The following MMEL1 variants were observed in gnomAD, a reference collection of about 807,000 sequenced individuals.
MMEL1 encodes the protein membrane metallo-endopeptidase-like 1.
A neutral mutation model predicts 117.1 loss-of-function variants in MMEL1; 98 were observed. The observed-to-expected ratio is 0.84, with a 90% CI of 0.71 to 0.99. The LOEUF is 0.99. MMEL1 is among the 50% of genes least tolerant of loss of function. The pLI is 0.00. For synonymous variants in MMEL1, 390 were observed against 415.1 expected, an observed-to-expected ratio of 0.94 and a Z score of 0.74; for missense variants, 1,014 against 1,049.1, an observed-to-expected ratio of 0.97 and a Z score of 0.46.
At chr1:2,603,140 CAG>C (rs1304547528) in intron 11 of MMEL1, among the ~76,000 whole-genome samples, 1 of 152,202 alleles carries the variant, frequency 6.6e-6, no homozygotes, top group Non-Finnish European at 1.5e-5. Context: ...AGGCTCTCCC[CAG>C]AGTCTCTCTG....
intron 13 of MMEL1, 122 bp from the exon 14 acceptor site, chr1:2,596,811 T>G: frequency 3.5e-6 from 4 of 1,129,136 alleles, no homozygotes; most frequent in African/African-American, 1.5e-5. Flanking sequence ...GCCCCGGGGC[T>G]AGCGGGGGCA....
chr1:2,592,135 G>A, intron 21 of MMEL1, 108 bp from the exon 22 acceptor site: 4 of 867,514 alleles, frequency 4.6e-6, no homozygotes, highest in Non-Finnish European at 7.2e-6. Context: ...CCCCTGTGGG[G>A]GTCCTGCTGC....
rs1419523205 is a variant in MMEL1 at position 2,614,112 on chromosome 1, C to T, written c.155-1908G>A. On this transcript the variant is annotated intron_variant, in intron 2 of 23. Coordinates refer to ENST00000378412, the MANE Select transcript of MMEL1 (RefSeq NM_033467.4). Reference sequence around the variant, plus strand: ...CGATACTGTGGTGGTGAATGGTGAACCCATTTGTCAAAACCCACAGAATGT... The same window carrying T: ...CGATACTGTGGTGGTGAATGGTGAATCCATTTGTCAAAACCCACAGAATGT... Among the ~76,000 whole-genome samples the T allele has an allele frequency of 2.0e-5, 3 of 152,260 alleles. No homozygotes were observed. In the East Asian group the frequency reaches 5.8e-4, roughly 29 times the overall value.
Position 2,600,113 on chromosome 1 carries a change from A to T in MMEL1, c.1042-1323T>A, listed in dbSNP as rs539942228. ...CTCCCTAGTAGCTGAGATTACAGGCATGTGCTAACACACCTAGCTAGTTTT... is the reference window on the plus strand; with the variant it reads ...CTCCCTAGTAGCTGAGATTACAGGCTTGTGCTAACACACCTAGCTAGTTTT... On this transcript the variant is annotated intron_variant, in intron 11 of 23. Transcript: ENST00000378412. Among the ~76,000 whole-genome samples the T allele has an allele frequency of 4.6e-5, 7 of 152,166 alleles. No homozygotes were observed. In the East Asian group the frequency reaches 1.2e-3, roughly 26 times the overall value.
chr1:2,613,583 G>C (rs993023401), intron 2 of MMEL1, among the ~76,000 whole-genome samples: 1 of 152,168 alleles, frequency 6.6e-6, no homozygotes, highest in Non-Finnish European at 1.5e-5. Flanking sequence ...TGAGGACATA[G>C]AGAAACCAGC....
intron 21 of MMEL1, 150 bp from the exon 22 acceptor site, chr1:2,592,177 G>A: frequency 1.5e-6 from 1 of 654,796 alleles, no homozygotes. Flanking sequence ...CCACGGATGA[G>A]CGCTCACCAC....
chr1:2,592,207 C>G (rs1436124885), intron 21 of MMEL1, among the ~76,000 whole-genome samples, 180 bp from the exon 22 acceptor site: 1 of 114,978 alleles, frequency 8.7e-6, no homozygotes, highest in Non-Finnish European at 1.7e-5. Flanking sequence ...TCAGGGACCC[C>G]TGAGCTGGGC....
At position 2,604,135 on chromosome 1, in the gene MMEL1, C is replaced by CCCCCCCCCAAACAGG; in HGVS notation, c.951+11_951+12insCCTGTTTGGGGGGGG. 1 of 1,520,166 alleles carries CCCCCCCCCAAACAGG rather than the reference C, an allele frequency of 6.6e-7. No homozygotes were observed. The highest frequency in any genetic ancestry group is 9.1e-7 in the Non-Finnish European group (1 of 1,100,358). 94.2% of individuals were successfully genotyped at this position (1,520,166 alleles called of 1,614,324 possible). On this transcript the variant is annotated intron_variant, in intron 10 of 23. Coordinates refer to ENST00000378412, the MANE Select transcript of MMEL1 (RefSeq NM_033467.4). Reference sequence around the variant, plus strand: ...CTCGCTGCCCGCTCCCCACCCGCCCCGGCCCCCTTACCTTGGCCAGCTGTG... The same window carrying CCCCCCCCCAAACAGG: ...CTCGCTGCCCGCTCCCCACCCGCCCCCCCCCCCCAAACAGGGGCCCCCTTACCTTGGCCAGCTGTG...
chr1:2,609,291 C>A (rs369377172), intron 6 of MMEL1, 48 bp downstream of exon 6: 22 of 1,559,540 alleles, frequency 1.4e-5, no homozygotes, highest in Non-Finnish European at 1.9e-5. Context: ...GCAGGGGCAG[C>A]CCGCCCCCGT....
intron 17 of MMEL1, 66 bp from the exon 18 acceptor site, chr1:2,594,509 C>A: frequency 6.6e-7 from 1 of 1,516,104 alleles, no homozygotes; most frequent in Non-Finnish European, 9.0e-7. Context: ...GCTCTCTCTG[C>A]CTTGATGGAC....
At chr1:2,591,908 T>C (rs1442409143) in intron 22 of MMEL1, 24 bp downstream of exon 22, 1 of 1,606,200 alleles carries the variant, frequency 6.2e-7, no homozygotes, top group South Asian at 1.1e-5. Context: ...ATGGGGATGG[T>C]GGGACCAGGA....
intron 21 of MMEL1, 123 bp from the exon 22 acceptor site, chr1:2,592,150 A>G: frequency 1.3e-6 from 1 of 751,298 alleles, no homozygotes; most frequent in Admixed American, 2.6e-5. Flanking sequence ...TGCTGCTGCA[A>G]GGGCCCTTCA....
chr1:2,609,946 G>A (rs1327346910), intron 4 of MMEL1, 115 bp from the exon 5 acceptor site: 3 of 1,159,900 alleles, frequency 2.6e-6, no homozygotes, highest in Non-Finnish European at 3.6e-6. Context: ...AGGGGCTGCT[G>A]TCCATCCAGT....
chr1:2,604,011 G>C (rs1269688772), intron 10 of MMEL1, 38 bp from the exon 11 acceptor site: 1 of 1,608,720 alleles, frequency 6.2e-7, no homozygotes, highest in East Asian at 2.2e-5. Context: ...CGGGTGGCCA[G>C]GATGCCCCCT....
At position 2,595,985 on chromosome 1, in the gene MMEL1, C is replaced by T. The variant is rs1267196563; in HGVS notation, c.1500+24G>A. ...CCGTGCCCAGATCCAGTCGGGGCTG[C>T]CCTGACCTCTGCGAGCCACATACCT... is the stretch of plus-strand genomic sequence containing the variant. On this transcript the variant is annotated intron_variant, in intron 15 of 23. Coordinates refer to ENST00000378412, the MANE Select transcript of MMEL1 (RefSeq NM_033467.4). This position sits in a 1 kb window ranked among gnomAD's most constrained non-coding sequence, Gnocchi z 4.8. 1.9e-6 allele frequency: 3 copies of T among 1,603,822 alleles called. No individual in the cohort carries two copies. The South Asian group carries it at 3.3e-5, about 18-fold the overall frequency.
At chr1:2,599,624 G>A (rs1177053882) in intron 11 of MMEL1, among the ~76,000 whole-genome samples, 2 of 152,202 alleles carry the variant, frequency 1.3e-5, no homozygotes, top group African/African-American at 2.4e-5. Flanking sequence ...TTGGGAGGTC[G>A]AGGCGGGCAG....
At chr1:2,594,551 G>GGAGAGGTCCTGGGTGGTTGGGGAAGGA in intron 17 of MMEL1, 108 bp from the exon 18 acceptor site, 4 of 1,335,256 alleles carry the variant, frequency 3.0e-6, no homozygotes, top group Non-Finnish European at 4.2e-6. Context: ...CAGAGCAAGG[G>GGAGAGGTCCTGGGTGGTTGGGGAAGGA]CCCAGGCCTA....
At chr1:2,613,861 C>CAAAAACA (rs1310245101) in intron 2 of MMEL1, among the ~76,000 whole-genome samples, 1 of 151,822 alleles carries the variant, frequency 6.6e-6, no homozygotes, top group Admixed American at 6.6e-5. Context: ...AAAATAAAAA[C>CAAAAACA]AAAAACAAAA....
At chr1:2,629,170 G>A (rs968329142) in intron 2 of MMEL1, among the ~76,000 whole-genome samples, 161 bp downstream of exon 2, 1 of 152,122 alleles carries the variant, frequency 6.6e-6, no homozygotes, top group African/African-American at 2.4e-5. Flanking sequence ...CTCTGAGTCC[G>A]CAGCTCGGCC....
Sources: gnomAD v4.1 joint callset for allele counts (sites outside exome capture counted in the v4.1 genomes callset) on GRCh38, gnomAD v4.1.1 for gene constraint, Gnocchi (gnomAD v3.1) non-coding constraint, MANE v1.5 for transcripts, NCBI Gene and HGNC (gene_info 2026-07-23, HGNC 2026-07-21) for gene names.